NIPBL: variants seen among roughly 807,000 people sequenced by gnomAD.
NIPBL encodes the protein NIPBL cohesin loading factor.
Under a neutral mutation model 321.8 loss-of-function variants are expected in NIPBL, and 19 were observed. The ratio of observed to expected loss-of-function variants is 0.06; its 90% confidence interval spans 0.04 to 0.09. The LOEUF is 0.09. Ranked by LOEUF, NIPBL falls within the 10% of genes least tolerant of loss-of-function variation. The probability of loss-of-function intolerance (pLI) is 1.00; values close to 1 mark genes in which losing one functional copy is unlikely to be tolerated. For missense variants in NIPBL, 2,210 were observed against 3,327.0 expected, an observed-to-expected ratio of 0.66 and a Z score of 8.26; for synonymous variants, 1,106 against 1,114.1, an observed-to-expected ratio of 0.99 and a Z score of 0.14.
Position 37,038,584 on chromosome 5 carries a change from C to G in NIPBL, c.5972-18C>G, listed in dbSNP as rs1475788054. On this transcript the variant is annotated intron_variant, in intron 33 of 46. Transcript: ENST00000282516. ...CTTGTCATATTTTAGTGTCTTATTT[C>G]TCTGTTTGTTTTTCCAGACTCTGAC... is the stretch of plus-strand genomic sequence containing the variant. The G allele has an allele frequency of 2.5e-6, 4 of 1,610,816 alleles. No homozygotes were observed. The highest frequency in any genetic ancestry group is 3.4e-6 in the Non-Finnish European group (4 of 1,177,904).
At chr5:37,027,232 T>C in intron 31 of NIPBL, 127 bp from the exon 32 acceptor site, 1 of 738,650 alleles carries the variant, frequency 1.4e-6, no homozygotes, top group Non-Finnish European at 2.4e-6. Flanking sequence ...GAAAAAATAG[T>C]TTACTTTAAA....
At chr5:36,928,134 C>G (rs1749507076) in intron 1 of NIPBL, among the ~76,000 whole-genome samples, 1 of 152,120 alleles carries the variant, frequency 6.6e-6, no homozygotes, top group Non-Finnish European at 1.5e-5. Flanking sequence ...TTTTTCTTAT[C>G]TGTAAAACGA....
rs540783706 is a variant in NIPBL at position 36,968,395 on chromosome 5, C to T, written c.611-2481C>T. On this transcript the variant is annotated intron_variant, in intron 6 of 46. Coordinates refer to ENST00000282516, the MANE Select transcript of NIPBL (RefSeq NM_133433.4). ...CCATCCTCGCTAACACAGTGAAACC[C>T]GTGTGTACTAAAAATACAAAAAAAT... Among the ~76,000 whole-genome samples, 10 of 152,056 alleles carry T rather than the reference C, an allele frequency of 6.6e-5. No individual in the cohort carries two copies. In the East Asian group the frequency reaches 7.8e-4, roughly 12 times the overall value.
chr5:36,963,765 G>C (rs1385985755), intron 6 of NIPBL, among the ~76,000 whole-genome samples: 1 of 152,074 alleles, frequency 6.6e-6, no homozygotes, highest in Non-Finnish European at 1.5e-5. Context: ...GTCCAGCCTG[G>C]GTGACAGATT....
chr5:37,050,510 A>G (rs529156203), intron 40 of NIPBL, among the ~76,000 whole-genome samples: 7 of 151,974 alleles, frequency 4.6e-5, no homozygotes, highest in African/African-American at 1.7e-4. Context: ...TCACACAAAG[A>G]AATTGCAAAA....
At chr5:37,054,655 G>A (rs1295428476) in intron 42 of NIPBL, among the ~76,000 whole-genome samples, 1 of 152,120 alleles carries the variant, frequency 6.6e-6, no homozygotes, top group Non-Finnish European at 1.5e-5. Context: ...TGGAAACCCA[G>A]CTCTCACAAT....
chr5:37,020,373 C>T, intron 25 of NIPBL, 86 bp from the exon 26 acceptor site: 1 of 904,184 alleles, frequency 1.1e-6, no homozygotes, highest in Non-Finnish European at 1.8e-6. Context: ...TATTTGTATT[C>T]CTGTAATGTG....
chr5:37,063,753 T>G, intron 45 of NIPBL, 37 bp from the exon 46 acceptor site: 1 of 1,570,622 alleles, frequency 6.4e-7, no homozygotes, highest in Non-Finnish European at 8.7e-7. Flanking sequence ...CTTGAAATAT[T>G]TACTTAAAAT....
At chr5:36,929,358 G>A (rs1479261738) in intron 1 of NIPBL, among the ~76,000 whole-genome samples, 1 of 151,990 alleles carries the variant, frequency 6.6e-6, no homozygotes, top group Non-Finnish European at 1.5e-5. Flanking sequence ...ATTCATATGT[G>A]TTCTTTGGTG....
At chr5:36,991,545 T>C (rs1745516461) in intron 10 of NIPBL, among the ~76,000 whole-genome samples, 1 of 152,122 alleles carries the variant, frequency 6.6e-6, no homozygotes. Flanking sequence ...ATTTGATCCC[T>C]GCCCCCTACT....
At chr5:37,007,626 C>T (rs41270323) in intron 18 of NIPBL, 152 bp downstream of exon 18, 1 of 596,148 alleles carries the variant, frequency 1.7e-6, no homozygotes, top group Non-Finnish European at 2.9e-6. Context: ...AATAAAACTT[C>T]AGGAGTTTTA....
At chr5:36,904,384 A>G (rs1273322358) in intron 1 of NIPBL, among the ~76,000 whole-genome samples, 1 of 152,172 alleles carries the variant, frequency 6.6e-6, no homozygotes, top group Non-Finnish European at 1.5e-5. Context: ...CAGGAGAATC[A>G]CTTGAACCCG....
intron 7 of NIPBL, 97 bp downstream of exon 7, chr5:36,971,133 T>C: frequency 3.2e-6 from 3 of 947,590 alleles, no homozygotes; most frequent in Non-Finnish European, 5.0e-6. Context: ...ACCTACCGTA[T>C]ATCATTATAC....
In NIPBL at chr5:36,919,953, T is replaced by G. The variant is rs141763906; in HGVS notation, c.-79-33665T>G. Among the ~76,000 whole-genome samples the G allele has an allele frequency of 8.1e-3, 1,236 of 152,282 alleles. 12 individuals are homozygous for G. Among genetic ancestry groups the G allele is most frequent in the African/African-American group, 0.028 (1,174 of 41,564 alleles). ...GTTGTCAGGTATTCTGTTTTATCTT[T>G]TGATTTCTAAAATGGGTTGTAACAT... On this transcript the variant is annotated intron_variant, in intron 1 of 46. Coordinates refer to ENST00000282516, the MANE Select transcript of NIPBL (RefSeq NM_133433.4).
At chr5:36,951,843 T>G (rs978093670) in intron 1 of NIPBL, among the ~76,000 whole-genome samples, 4 of 152,098 alleles carry the variant, frequency 2.6e-5, no homozygotes, top group Non-Finnish European at 5.9e-5. Flanking sequence ...AAAGTAATGT[T>G]TTTTCCCTTA....
chr5:37,051,689 A>G (rs1300538771), intron 40 of NIPBL, 90 bp from the exon 41 acceptor site: 10 of 823,428 alleles, frequency 1.2e-5, no homozygotes, highest in Non-Finnish European at 2.1e-5. Flanking sequence ...TTAAATTCAT[A>G]TATCTCAGAT....
chr5:37,027,926 G>A, intron 32 of NIPBL, among the ~76,000 whole-genome samples: 1 of 151,986 alleles, frequency 6.6e-6, no homozygotes, highest in African/African-American at 2.4e-5. Context: ...GCCTTCAGTT[G>A]TCTATTGTAC....
Position 36,958,879 on chromosome 5 carries a change from A to G in NIPBL, c.358+648A>G, listed in dbSNP as rs77390501. ...GCAGGAATAGCTTGGACAACTTCAG[A>G]AAGTTCAACTTTGTTAATTAAATAA... On this transcript the variant is annotated intron_variant, in intron 4 of 46. Transcript: ENST00000282516. Among the ~76,000 whole-genome samples, 1,270 of 152,268 alleles carry G rather than the reference A, an allele frequency of 8.3e-3. 21 individuals carry two copies. Among genetic ancestry groups the G allele is most frequent in the African/African-American group, 0.029 (1,202 of 41,540 alleles).
chr5:36,949,998 A>C (rs1002196970), intron 1 of NIPBL, among the ~76,000 whole-genome samples: 2 of 152,010 alleles, frequency 1.3e-5, no homozygotes, highest in African/African-American at 4.8e-5. Context: ...TTAAACCTCA[A>C]GCCATTCTTA....
Sources: allele counts gnomAD v4.1 joint callset (sites outside exome capture counted in the v4.1 genomes callset), GRCh38; gene constraint gnomAD v4.1.1; transcripts MANE v1.5; gene names NCBI Gene and HGNC (gene_info 2026-07-23, HGNC 2026-07-21).